The following ARHGAP15 variants were observed in gnomAD, a reference collection of about 807,000 sequenced individuals.
ARHGAP15 encodes the protein Rho GTPase activating protein 15, also known as rho GTPase-activating protein 15.
Under a neutral mutation model 63.7 loss-of-function variants are expected in ARHGAP15, and 51 were observed. The observed-to-expected ratio is 0.80, with a 90% confidence interval of 0.64 to 1.01. The LOEUF (loss-of-function observed/expected upper bound fraction) is 1.01. ARHGAP15 is among the 50% of genes least tolerant of loss of function. ARHGAP15 has a pLI of 0.00. For missense variants in ARHGAP15, 560 were observed against 564.6 expected (o/e 0.99, Z 0.08); for synonymous variants, 191 against 193.8 (o/e 0.99, Z 0.12).
At chr2:143,627,329 G>C (rs1394502657) in intron 12 of ARHGAP15, among the ~76,000 whole-genome samples, 1 of 152,134 alleles carries the variant, frequency 6.6e-6, no homozygotes, top group East Asian at 1.9e-4. Context: ...ATTGGACAGA[G>C]ACGTACATTT....
chr2:143,408,767 C>T (rs1688321498), intron 6 of ARHGAP15, among the ~76,000 whole-genome samples: 1 of 151,786 alleles, frequency 6.6e-6, no homozygotes, highest in Non-Finnish European at 1.5e-5. Flanking sequence ...ATATCTAAAA[C>T]ATTCATTTTT....
chr2:143,581,683 T>C (rs1696914926), intron 11 of ARHGAP15, among the ~76,000 whole-genome samples: 2 of 152,106 alleles, frequency 1.3e-5, no homozygotes, highest in South Asian at 4.1e-4. Flanking sequence ...AATAAATAGG[T>C]CTTAAATGAG....
At chr2:143,442,859 A>T (rs972316563) in intron 8 of ARHGAP15, among the ~76,000 whole-genome samples, 1 of 152,186 alleles carries the variant, frequency 6.6e-6, no homozygotes, top group Non-Finnish European at 1.5e-5. Flanking sequence ...ATAAAAGAAT[A>T]TACATATTTT....
At position 143,707,099 on chromosome 2, in the gene ARHGAP15, G is replaced by T. The variant is rs576596942; in HGVS notation, c.1244+3575G>T. Reference sequence around the variant, plus strand: ...GGAATCGTTAACCTTTTATGAACCAGAAAATTGCATGATGTGCTCAGTGTT... The same window carrying T: ...GGAATCGTTAACCTTTTATGAACCATAAAATTGCATGATGTGCTCAGTGTT... On this transcript the variant is annotated intron_variant, in intron 13 of 13. Coordinates refer to ENST00000295095, the MANE Select transcript of ARHGAP15 (RefSeq NM_018460.4). Among the ~76,000 whole-genome samples, 6 of 152,284 alleles carry T rather than the reference G, an allele frequency of 3.9e-5. No homozygotes were observed. The South Asian group carries it at 1.2e-3, about 32-fold the overall frequency.
At chr2:143,725,839 G>A (rs1308421091) in intron 13 of ARHGAP15, among the ~76,000 whole-genome samples, 1 of 152,132 alleles carries the variant, frequency 6.6e-6, no homozygotes, top group African/African-American at 2.4e-5. Context: ...CCGAAGCCTC[G>A]ATGAGGAAAT....
chr2:143,221,035 T>TTTGCTTTATATCTC (rs1441922758), intron 4 of ARHGAP15, among the ~76,000 whole-genome samples: 1 of 152,138 alleles, frequency 6.6e-6, no homozygotes, highest in African/African-American at 2.4e-5. Flanking sequence ...TTGAAACACG[T>TTTGCTTTATATCTC]TTGCTTTATC....
chr2:143,355,390 A>G (rs2105323558), intron 6 of ARHGAP15, among the ~76,000 whole-genome samples: 1 of 152,288 alleles, frequency 6.6e-6, no homozygotes, highest in Middle Eastern at 3.4e-3. Context: ...CACTTATTAC[A>G]TGTTCTGAAG....
chr2:143,467,448 C>T (rs987062005), intron 8 of ARHGAP15, among the ~76,000 whole-genome samples: 2 of 151,794 alleles, frequency 1.3e-5, no homozygotes, highest in African/African-American at 2.4e-5. Flanking sequence ...ATGCATTGAT[C>T]ACAAATGTAA....
At chr2:143,329,147 A>G (rs1166263609) in intron 6 of ARHGAP15, among the ~76,000 whole-genome samples, 2 of 152,230 alleles carry the variant, frequency 1.3e-5, no homozygotes, top group Non-Finnish European at 2.9e-5. Flanking sequence ...CAGTGCCTCC[A>G]TGATCTCTGT....
intron 3 of ARHGAP15, 93 bp downstream of exon 3, chr2:143,202,295 A>C: frequency 3.1e-4 from 317 of 1,028,080 alleles, no homozygotes; most frequent in Non-Finnish European, 4.4e-4. Context: ...TTATTATCTC[A>C]TTTTTCTGTG....
At chr2:143,253,239 C>T (rs1473171181) in intron 6 of ARHGAP15, among the ~76,000 whole-genome samples, 3 of 123,910 alleles carry the variant, frequency 2.4e-5, no homozygotes, top group African/African-American at 8.2e-5. Flanking sequence ...CAATTGTATG[C>T]CATGTAATTA....
At chr2:143,534,035 T>C (rs11692841) in intron 10 of ARHGAP15, among the ~76,000 whole-genome samples, 35,665 of 152,076 alleles carry the variant, frequency 0.23, 4,264 homozygotes, top group East Asian at 0.37. Context: ...CTGATGGAGT[T>C]AGGCTTTGTA....
At chr2:143,142,351 T>A (rs942574902) in intron 1 of ARHGAP15, among the ~76,000 whole-genome samples, 2 of 152,084 alleles carry the variant, frequency 1.3e-5, no homozygotes, top group African/African-American at 4.8e-5. Context: ...GAGCATTAGA[T>A]TATTCTGTGA....
chr2:143,623,591 A>G (rs1490033734), intron 11 of ARHGAP15, among the ~76,000 whole-genome samples: 1 of 152,240 alleles, frequency 6.6e-6, no homozygotes, highest in Admixed American at 6.5e-5. Flanking sequence ...CTCACTCAGT[A>G]TTCTCTTCCT....
chr2:143,516,463 T>C (rs1693824592), intron 9 of ARHGAP15, among the ~76,000 whole-genome samples: 2 of 152,208 alleles, frequency 1.3e-5, no homozygotes, highest in South Asian at 4.1e-4. Flanking sequence ...TAAAGGACAT[T>C]TTTCTTAGCA....
At chr2:143,159,851 T>C (rs1162977893) in intron 2 of ARHGAP15, among the ~76,000 whole-genome samples, 1 of 151,980 alleles carries the variant, frequency 6.6e-6, no homozygotes. Context: ...TTCCTTTTAT[T>C]GCTGTGGATC....
intron 13 of ARHGAP15, chr2:143,706,331 T>C (rs1259737795): frequency 6.6e-6 from 1 of 152,174 alleles, no homozygotes; most frequent in African/African-American, 2.4e-5. Flanking sequence ...CTTAATGCAT[T>C]TGGTAGTTCT....
chr2:143,282,390 C>G (rs1192870712), intron 6 of ARHGAP15, among the ~76,000 whole-genome samples: 1 of 152,070 alleles, frequency 6.6e-6, no homozygotes, highest in Non-Finnish European at 1.5e-5. Context: ...TACAGTTCCA[C>G]ACGGCTGGGG....
At chr2:143,318,509 C>CTTTTTTT (rs535910161) in intron 6 of ARHGAP15, among the ~76,000 whole-genome samples, 5 of 55,636 alleles carry the variant, frequency 9.0e-5, no homozygotes, top group African/African-American at 2.7e-4. Context: ...GATTAAGGGC[C>CTTTTTTT]TTTTTTTTTT....
Sources: gnomAD v4.1 joint callset for allele counts (sites outside exome capture counted in the v4.1 genomes callset) on GRCh38, gnomAD v4.1.1 for gene constraint, MANE v1.5 for transcripts, NCBI Gene and HGNC (gene_info 2026-07-23, HGNC 2026-07-21) for gene names.